The following SMG7 variants were observed in gnomAD, a reference collection of about 807,000 sequenced individuals.
SMG7 encodes the protein nonsense-mediated mRNA decay factor SMG7.
SMG7 carries 34 observed loss-of-function variants against 148.2 expected under a neutral mutation model. That is an observed-to-expected ratio of 0.23 (90% CI 0.17 to 0.31). The LOEUF is 0.31. Ranked by LOEUF, SMG7 falls within the 10% of genes least tolerant of loss-of-function variation. The pLI is 1.00. For synonymous variants in SMG7, 492 were observed against 515.1 expected, an observed-to-expected ratio of 0.96 and a Z score of 0.61; for missense variants, 1,114 against 1,408.4, an observed-to-expected ratio of 0.79 and a Z score of 3.35.
rs1373429197 is a variant in SMG7 at position 183,499,696 on chromosome 1, GT to G, written c.30-13137del. 2.6e-5 allele frequency among the ~76,000 whole-genome samples: 4 copies of G among 152,220 alleles called. No individual in the cohort carries two copies. In the East Asian group the frequency reaches 5.8e-4, roughly 22 times the overall value. ...TGGCTTGTTGTTCTCTGGACAGCCT[GT>G]TTTCTCCATATTAACTCCTTGTACT... On this transcript the variant is annotated intron_variant, in intron 1 of 22. Coordinates refer to ENST00000688051, the MANE Select transcript of SMG7 (RefSeq NM_001375584.1).
rs974090024 is a variant in SMG7 at position 183,502,146 on chromosome 1, T to C, written c.30-10691T>C. 11 of 712,934 alleles carry C rather than the reference T, an allele frequency of 1.5e-5. No individual in the cohort carries two copies. The East Asian group carries it at 3.5e-4, about 22-fold the overall frequency. The allele number at this position is 712,934 out of a possible 1,614,324, so 44.2% of individuals were successfully genotyped here. ...AAGAAAAAGGCTTTGACATTTTTCC[T>C]TTACCTTTCACATGAAGTCATTTCA... On this transcript the variant is annotated intron_variant, in intron 1 of 22. Transcript: ENST00000688051.
At chr1:183,494,756 C>CT (rs141159130) in intron 1 of SMG7, among the ~76,000 whole-genome samples, 1,860 of 15,300 alleles carry the variant, frequency 0.12, 864 homozygotes, top group Non-Finnish European at 0.19. Context: ...AGCCCTTGTT[C>CT]TTTTTTTTTT....
chr1:183,501,117 C>T (rs1659622375), intron 1 of SMG7: 1 of 152,120 alleles, frequency 6.6e-6, no homozygotes, highest in African/African-American at 2.4e-5. Flanking sequence ...ATAATAATAG[C>T]ATTTACCTTT....
At chr1:183,526,153 TA>T (rs754640278) in intron 4 of SMG7, among the ~76,000 whole-genome samples, 2,186 of 17,912 alleles carry the variant, frequency 0.12, 25 homozygotes, top group African/African-American at 0.2. Flanking sequence ...TATATATATA[TA>T]TATTTTTTTT....
At chr1:183,546,463 G>A (rs1446025997) in intron 17 of SMG7, 126 bp downstream of exon 17, 1 of 985,260 alleles carries the variant, frequency 1.0e-6, no homozygotes. Flanking sequence ...ATGCCACTGA[G>A]TATTGGTGTA....
rs994986467 is a variant in SMG7, at chr1:183,473,030, G to A, written c.29+381G>A. The A allele has an allele frequency of 1.1e-5, 3 of 274,090 alleles. No individual in the cohort carries two copies. In the Admixed American group the frequency reaches 1.6e-4, roughly 15 times the overall value. 17.0% of individuals were successfully genotyped at this position (274,090 alleles called of 1,614,324 possible). ...GTCTGATCCCCGTGGCAGGGGACTC[G>A]TGGTGTGGCGTGGGATTGGTTGGAG... On this transcript the variant is annotated intron_variant, in intron 1 of 22. Coordinates refer to ENST00000688051, the MANE Select transcript of SMG7 (RefSeq NM_001375584.1).
intron 13 of SMG7, among the ~76,000 whole-genome samples, chr1:183,541,570 G>A (rs750170736): frequency 3.3e-5 from 5 of 152,102 alleles, no homozygotes; most frequent in African/African-American, 4.8e-5. Context: ...TTTGAGTTCC[G>A]TTTCGAGTTC....
chr1:183,497,357 C>T (rs1429843642), intron 1 of SMG7, among the ~76,000 whole-genome samples: 1 of 152,128 alleles, frequency 6.6e-6, no homozygotes, highest in Non-Finnish European at 1.5e-5. Context: ...TCCAAAAGGG[C>T]AAGCCCAAAT....
At chr1:183,525,009 G>A (rs1040772417) in intron 4 of SMG7, among the ~76,000 whole-genome samples, 2 of 151,838 alleles carry the variant, frequency 1.3e-5, no homozygotes, top group African/African-American at 4.8e-5. Context: ...TATCTTTCTT[G>A]TTTACTGGGT....
Position 183,547,246 on chromosome 1 carries a change from C to G in SMG7, c.2886C>G (p.Ser962Arg), listed in dbSNP as rs770707468. 2.3e-5 allele frequency: 36 copies of G among 1,549,496 alleles called. No homozygotes were observed. Among genetic ancestry groups the G allele is most frequent in the Admixed American group, 3.9e-5 (2 of 50,874 alleles). Residue 962 changes from serine to arginine, a missense_variant, in exon 18 of 23, where the codon AGC becomes AGG. Ser to Arg is a moderately radical substitution (Grantham distance 110, BLOSUM62 -1). This residue lies in a region of SMG7 where 788 missense variants were observed against 894.5 expected (regional missense o/e 0.88). Coordinates refer to ENST00000688051, the MANE Select transcript of SMG7 (RefSeq NM_001375584.1). ...LGPLASLPGR[S>R]LFKSLLEKPS... ...CTCTCGCCTCTCTTCCTGGACGAAGCCTTTTTGTATGTATTTGACATAATT... is the reference window on the plus strand; with the variant it reads ...CTCTCGCCTCTCTTCCTGGACGAAGGCTTTTTGTATGTATTTGACATAATT...
At chr1:183,551,778 G>T in intron 22 of SMG7, 40 bp from the exon 23 acceptor site, 1 of 1,493,406 alleles carries the variant, frequency 6.7e-7, no homozygotes, top group Non-Finnish European at 9.1e-7. Flanking sequence ...AGACAACTTG[G>T]CATTTGACCT....
intron 1 of SMG7, among the ~76,000 whole-genome samples, chr1:183,504,487 C>T (rs2102345552): frequency 6.6e-6 from 1 of 152,092 alleles, no homozygotes; most frequent in African/African-American, 2.4e-5. Flanking sequence ...ATGACAGGCA[C>T]CCGTCACCAT....
Position 183,553,615 on chromosome 1 carries a change from C to CCT in SMG7, c.*1685_*1686insTC, listed in dbSNP as rs749532879. The CCT allele has an allele frequency of 1.9e-5, 3 of 156,422 alleles. No homozygotes were observed. The South Asian group carries it at 5.5e-4, about 29-fold the overall frequency. 9.7% of individuals were successfully genotyped at this position (156,422 alleles called of 1,614,324 possible). On this transcript the variant is annotated 3_prime_UTR_variant, in exon 23 of 23. Coordinates refer to ENST00000688051, the MANE Select transcript of SMG7 (RefSeq NM_001375584.1). Reference sequence around the variant, plus strand: ...TCAGAGAGAGTGGTTGGAGCCCCCCCCGCCCCGTATGCTTACATTATTGCT... The same window carrying CCT: ...TCAGAGAGAGTGGTTGGAGCCCCCCCCTCGCCCCGTATGCTTACATTATTGCT...
chr1:183,531,856 C>G (rs1666931854), intron 8 of SMG7, among the ~76,000 whole-genome samples: 1 of 151,954 alleles, frequency 6.6e-6, no homozygotes, highest in Admixed American at 6.6e-5. Context: ...TGAATAAACG[C>G]CAGCTGATTT....
chr1:183,478,092 G>A (rs1018104748), intron 1 of SMG7, among the ~76,000 whole-genome samples: 15 of 152,106 alleles, frequency 9.9e-5, no homozygotes, highest in African/African-American at 3.6e-4. Context: ...CCTGGGGAGA[G>A]GAACAGAGAA....
intron 1 of SMG7, among the ~76,000 whole-genome samples, chr1:183,493,730 C>T (rs558430976): frequency 5.3e-5 from 8 of 152,250 alleles, no homozygotes; most frequent in South Asian, 2.1e-4. Context: ...TATAGGCACA[C>T]GCCACCACAC....
At position 183,550,014 on chromosome 1, in the gene SMG7, C is replaced by G. The variant is rs181115787; in HGVS notation, c.3133+91C>G. 5.3e-5 allele frequency: 42 copies of G among 789,744 alleles called. No homozygotes were observed. The African/African-American group carries it at 6.4e-4, about 12-fold the overall frequency. The allele number at this position is 789,744 out of a possible 1,614,324, so 48.9% of individuals were successfully genotyped here. On this transcript the variant is annotated intron_variant, in intron 20 of 22. Coordinates refer to ENST00000688051, the MANE Select transcript of SMG7 (RefSeq NM_001375584.1). ...TGAGATTCTGTAATTACAAATATAT[C>G]ATTTGTTGGGTTATTTTTATTTTTT... is the stretch of plus-strand genomic sequence containing the variant.
At chr1:183,510,744 G>A (rs1455832780) in intron 1 of SMG7, among the ~76,000 whole-genome samples, 2 of 151,888 alleles carry the variant, frequency 1.3e-5, no homozygotes, top group South Asian at 2.1e-4. Flanking sequence ...CAAAAACCAT[G>A]ATTACTTTTT....
chr1:183,513,594 A>T (rs892010159), intron 2 of SMG7, among the ~76,000 whole-genome samples: 4 of 151,488 alleles, frequency 2.6e-5, no homozygotes, highest in South Asian at 4.2e-4. Flanking sequence ...CTGGTCTCGA[A>T]CTCCTGACTT....
Sources: gnomAD v4.1 joint callset for allele counts (sites outside exome capture counted in the v4.1 genomes callset) on GRCh38, gnomAD v4.1.1 for gene constraint, gnomAD v4.1.1 regional missense constraint, MANE v1.5 for transcripts, NCBI Gene and HGNC (gene_info 2026-07-23, HGNC 2026-07-21) for gene names.